The following RANBP2 variants were observed in gnomAD, a reference collection of about 807,000 sequenced individuals.
The protein encoded by RANBP2 is RAN binding protein 2, also known as E3 SUMO-protein ligase RanBP2.
A neutral mutation model predicts 303.6 loss-of-function variants in RANBP2; 57 were observed. The observed-to-expected ratio is 0.19, with a 90% CI of 0.15 to 0.23. The LOEUF (loss-of-function observed/expected upper bound fraction) is 0.23, where lower values mean the gene tolerates loss of function less well. Ranked by LOEUF, RANBP2 falls within the 10% of genes least tolerant of loss-of-function variation. The pLI is 1.00. For synonymous variants in RANBP2, 1,167 were observed against 1,301.5 expected (o/e 0.90, Z 2.23); for missense variants, 3,138 against 3,780.8 (o/e 0.83, Z 4.46).
the RANBP2 span, among the ~76,000 whole-genome samples, chr2:109,164,560 C>T: frequency 6.6e-6 from 1 of 152,162 alleles, no homozygotes; most frequent in African/African-American, 2.4e-5. Context: ...ATTTACTCTT[C>T]TACCCATTCA....
At chr2:108,876,527 A>G in the RANBP2 span, 1 of 216,322 alleles carries the variant, frequency 4.6e-6, no homozygotes, top group African/African-American at 2.3e-5. Flanking sequence ...TAGGAAAATT[A>G]TTTCTTAAAA....
At chr2:109,063,321 C>T in the RANBP2 span, among the ~76,000 whole-genome samples, 1 of 152,196 alleles carries the variant, frequency 6.6e-6, no homozygotes, top group Non-Finnish European at 1.5e-5. Flanking sequence ...CCTGTTCCCT[C>T]CCTCACAAAA....
the RANBP2 span, chr2:109,613,080 G>A: frequency 1.3e-5 from 9 of 692,270 alleles, no homozygotes; most frequent in Non-Finnish European, 2.0e-5. Context: ...ACAGGCATCG[G>A]GCCTCCAAAC....
At chr2:109,554,850 T>C in the RANBP2 span, among the ~76,000 whole-genome samples, 1 of 152,212 alleles carries the variant, frequency 6.6e-6, no homozygotes, top group Admixed American at 6.5e-5. Context: ...AGTGCTGATA[T>C]GGAGTACTAG....
At chr2:109,456,501 C>T in the RANBP2 span, among the ~76,000 whole-genome samples, 2 of 152,228 alleles carry the variant, frequency 1.3e-5, no homozygotes, top group Admixed American at 6.5e-5. Flanking sequence ...AGGAATGTCC[C>T]GTCAGAGCAC....
the RANBP2 span, among the ~76,000 whole-genome samples, chr2:109,019,168 C>A: frequency 6.6e-6 from 1 of 152,220 alleles, no homozygotes; most frequent in African/African-American, 2.4e-5. Flanking sequence ...GCAAACTGCA[C>A]AACCGACCCG....
the RANBP2 span, among the ~76,000 whole-genome samples, chr2:109,086,688 G>A: frequency 6.6e-6 from 1 of 152,202 alleles, no homozygotes; most frequent in East Asian, 1.9e-4. Flanking sequence ...CACTGACTCT[G>A]CTGTGGGACA....
chr2:108,751,983 C>G lies in RANBP2; in HGVS notation c.1744C>G (p.Leu582Val). ...TCTGCTTGTACATTGGGCAGAATGCCTTCAGAAAACGGTGAGTTTTAAAGT... is the reference window on the plus strand; with the variant it reads ...TCTGCTTGTACATTGGGCAGAATGCGTTCAGAAAACGGTGAGTTTTAAAGT... ...PALLVHWAECLQKTGSGLNSF... is the reference protein window; with the variant it reads ...PALLVHWAECVQKTGSGLNSF... The change falls in exon 12 of 29, where the codon CTT (leucine) becomes GTT (valine). Residue 582 changes from leucine (L) to valine (V), a missense_variant. Around this residue, in one of 20 missense-constraint regions of RANBP2, gnomAD observed 162 missense variants for 286.9 expected, o/e 0.56. Transcript: ENST00000283195. 1 of 1,611,900 alleles carries G rather than the reference C, an allele frequency of 6.2e-7. No individual in the cohort carries two copies. The highest frequency in any genetic ancestry group is 8.5e-7 in the Non-Finnish European group (1 of 1,179,846).
At chr2:109,466,373 C>A in the RANBP2 span, among the ~76,000 whole-genome samples, 1 of 152,076 alleles carries the variant, frequency 6.6e-6, no homozygotes, top group African/African-American at 2.4e-5. Context: ...GAGTCCTGCG[C>A]CCAGCCTGTA....
the RANBP2 span, chr2:109,565,922 T>C: frequency 1.5e-6 from 2 of 1,352,398 alleles, no homozygotes; most frequent in African/African-American, 2.9e-5. Flanking sequence ...ATAAAATAAA[T>C]TTTATGTGAG....
the RANBP2 span, among the ~76,000 whole-genome samples, chr2:109,116,664 T>C: frequency 2.0e-5 from 3 of 152,272 alleles, no homozygotes; most frequent in Non-Finnish European, 2.9e-5. Context: ...CTTTGTTCCA[T>C]TGCTGGTGAG....
the RANBP2 span, among the ~76,000 whole-genome samples, chr2:109,642,092 A>AT: frequency 0.062 from 9,399 of 150,932 alleles, 741 homozygotes; most frequent in East Asian, 0.25. Flanking sequence ...GAGTGAACCA[A>AT]TTTTTTTTGT....
At chr2:109,133,205 A>T in the RANBP2 span, among the ~76,000 whole-genome samples, 1 of 152,230 alleles carries the variant, frequency 6.6e-6, no homozygotes, top group Admixed American at 6.5e-5. Flanking sequence ...CACAAATTAA[A>T]GAATTCTAGA....
At chr2:109,360,210 C>T in the RANBP2 span, among the ~76,000 whole-genome samples, 2 of 152,136 alleles carry the variant, frequency 1.3e-5, no homozygotes, top group African/African-American at 4.8e-5. Flanking sequence ...CGCTTAGTTA[C>T]TCTGAACATG....
chr2:109,715,007 TTGCCCAGGC>T, the RANBP2 span, among the ~76,000 whole-genome samples: 3 of 151,838 alleles, frequency 2.0e-5, no homozygotes, highest in African/African-American at 7.3e-5. Flanking sequence ...TTCGCTCTTG[TTGCCCAGGC>T]TGGAGTGCAA....
chr2:108,828,419 A>G, the RANBP2 span, among the ~76,000 whole-genome samples: 5 of 152,200 alleles, frequency 3.3e-5, no homozygotes, highest in Admixed American at 2.6e-4. Flanking sequence ...AAAAAGAACA[A>G]AGTTAGAGAG....
chr2:109,115,569 CTT>C, the RANBP2 span, among the ~76,000 whole-genome samples: 7 of 152,196 alleles, frequency 4.6e-5, no homozygotes, highest in African/African-American at 1.7e-4. Context: ...ACTGATGGGT[CTT>C]GACTCTTTAT....
the RANBP2 span, among the ~76,000 whole-genome samples, chr2:109,467,876 A>G: frequency 8.6e-5 from 13 of 151,986 alleles, no homozygotes. Context: ...CACATCCCTC[A>G]CAGACCTCAG....
the RANBP2 span, among the ~76,000 whole-genome samples, chr2:108,974,347 A>G: frequency 1.3e-5 from 2 of 150,454 alleles, no homozygotes; most frequent in African/African-American, 2.5e-5. Flanking sequence ...AAAAAAAAAA[A>G]AAAAAAAGAA....
Sources: allele counts gnomAD v4.1 joint callset (sites outside exome capture counted in the v4.1 genomes callset), GRCh38; gene constraint gnomAD v4.1.1; regional missense constraint gnomAD v4.1.1; transcripts MANE v1.5; gene names NCBI Gene and HGNC (gene_info 2026-07-23, HGNC 2026-07-21).